Variants in SPRR2B observed in about 807,000 individuals in gnomAD.
SPRR2B encodes the protein small proline rich protein 2B.
In SPRR2B, 1 loss-of-function variant was observed where a neutral mutation model predicts 1.0. That is an observed-to-expected ratio of 1.01 (90% CI 0.36 to 4.77). The LOEUF is 4.77. Among genes scored for constraint, SPRR2B ranks in the 30% most tolerant of loss-of-function variants. SPRR2B has a pLI of 0.16. For synonymous variants in SPRR2B, 27 were observed against 33.4 expected (o/e 0.81, Z 0.66); for missense variants, 53 against 88.7 (o/e 0.60, Z 1.62).
At chr1:153,082,814 T>C in the SPRR2B span, among the ~76,000 whole-genome samples, 1 of 150,654 alleles carries the variant, frequency 6.6e-6, no homozygotes, top group Middle Eastern at 3.2e-3. Flanking sequence ...CTACAAAAAG[T>C]AAATTAAGCT....
At chr1:153,078,727 T>C in the SPRR2B span, among the ~76,000 whole-genome samples, 1 of 152,196 alleles carries the variant, frequency 6.6e-6, no homozygotes, top group African/African-American at 2.4e-5. Context: ...TATTCCATGG[T>C]GTATATGTGC....
the SPRR2B span, among the ~76,000 whole-genome samples, chr1:153,084,345 T>C: frequency 6.6e-6 from 1 of 152,126 alleles, no homozygotes; most frequent in Admixed American, 6.5e-5. Context: ...TCCCTGGTGA[T>C]GGCCATTGCA....
the SPRR2B span, among the ~76,000 whole-genome samples, chr1:153,086,595 A>G: frequency 6.6e-5 from 10 of 152,148 alleles, no homozygotes; most frequent in Middle Eastern, 3.2e-3. Flanking sequence ...ACTGAAAAGT[A>G]AGATACAACA....
At chr1:153,087,271 C>T in the SPRR2B span, among the ~76,000 whole-genome samples, 1 of 151,722 alleles carries the variant, frequency 6.6e-6, no homozygotes, top group Non-Finnish European at 1.5e-5. Context: ...CAGAGAGTGA[C>T]TCCATCTCAA....
upstream of SPRR2B, among the ~76,000 whole-genome samples, chr1:153,073,338 CA>C (rs1346474365): frequency 6.6e-6 from 1 of 152,188 alleles, no homozygotes; most frequent in Admixed American, 6.5e-5. Context: ...ATCTACAACA[CA>C]AATCCTTACA....
the SPRR2B span, among the ~76,000 whole-genome samples, chr1:153,080,006 G>A: frequency 3.7e-4 from 57 of 152,132 alleles, no homozygotes; most frequent in African/African-American, 1.3e-3. Context: ...AGCATGGAAT[G>A]TTCTTCCATT....
the SPRR2B span, among the ~76,000 whole-genome samples, chr1:153,077,884 A>G: frequency 5.0e-4 from 76 of 152,370 alleles, no homozygotes; most frequent in African/African-American, 1.8e-3. Context: ...AATTCAAATT[A>G]GATTACTATA....
chr1:153,074,264 G>A (rs1337241259), upstream of SPRR2B, among the ~76,000 whole-genome samples: 2 of 151,528 alleles, frequency 1.3e-5, no homozygotes, highest in African/African-American at 4.9e-5. Context: ...TTTTAATTTT[G>A]TGTAATATTT....
At chr1:153,075,983 A>T (rs1654760796), upstream of SPRR2B, among the ~76,000 whole-genome samples, 1 of 152,226 alleles carries the variant, frequency 6.6e-6, no homozygotes, top group Non-Finnish European at 1.5e-5. Flanking sequence ...AAAGTCTGAA[A>T]ACAATAAATA....
chr1:153,083,698 G>T, the SPRR2B span, among the ~76,000 whole-genome samples: 38 of 152,208 alleles, frequency 2.5e-4, no homozygotes, highest in Admixed American at 5.9e-4. Context: ...TGAACCAGCA[G>T]GGAGGAACCC....
At chr1:153,080,885 C>A in the SPRR2B span, among the ~76,000 whole-genome samples, 16 of 152,156 alleles carry the variant, frequency 1.1e-4, no homozygotes, top group African/African-American at 3.4e-4. Context: ...CTGTGATCTA[C>A]CAACATGTCC....
the SPRR2B span, among the ~76,000 whole-genome samples, chr1:153,083,358 G>A: frequency 6.6e-6 from 1 of 152,158 alleles, no homozygotes; most frequent in Non-Finnish European, 1.5e-5. Flanking sequence ...ACAAAAGCCA[G>A]ACAAAGACAA....
chr1:153,072,169 A>T (rs933480474), upstream of SPRR2B, among the ~76,000 whole-genome samples: 1 of 151,950 alleles, frequency 6.6e-6, no homozygotes, highest in Non-Finnish European at 1.5e-5. Flanking sequence ...CAAGCCTGAA[A>T]TTTTCTACTT....
At chr1:153,073,127 G>A (rs1323491264), upstream of SPRR2B, among the ~76,000 whole-genome samples, 1 of 152,180 alleles carries the variant, frequency 6.6e-6, no homozygotes, top group Non-Finnish European at 1.5e-5. Flanking sequence ...ATCTGCAATT[G>A]CTCCAGTCTC....
the SPRR2B span, among the ~76,000 whole-genome samples, chr1:153,080,117 A>G: frequency 5.4e-5 from 3 of 55,688 alleles, no homozygotes; most frequent in African/African-American, 1.9e-4. Flanking sequence ...TCACCAAGAA[A>G]ACCTAGAAAA....
chr1:153,076,953 A>C, the SPRR2B span, among the ~76,000 whole-genome samples: 1 of 152,256 alleles, frequency 6.6e-6, no homozygotes, highest in Non-Finnish European at 1.5e-5. Context: ...TCAGTCTTAA[A>C]GGCTGTAGGC....
Position 153,070,925 on chromosome 1 carries a change from G to A in SPRR2B, c.-19-67C>T. On this transcript the variant is annotated intron_variant, in intron 1 of 1. Coordinates refer to ENST00000368755, the MANE Select transcript of SPRR2B (RefSeq NM_001388198.1). ...TCCAGAGAGAGAAGCCAAAGCTTAT[G>A]TAATACCATGGCATATTATTTCTCC... The A allele has an allele frequency of 3.2e-6, 4 of 1,244,764 alleles. No homozygotes were observed. The East Asian group carries it at 7.0e-5, about 22-fold the overall frequency. 77.1% of individuals were successfully genotyped at this position (1,244,764 alleles called of 1,614,324 possible).
At chr1:153,081,678 A>G in the SPRR2B span, among the ~76,000 whole-genome samples, 1 of 152,334 alleles carries the variant, frequency 6.6e-6, no homozygotes, top group African/African-American at 2.4e-5. Flanking sequence ...TTCACTTTTT[A>G]TTTTCTACAA....
At chr1:153,072,549 G>A (rs1407950411), upstream of SPRR2B, among the ~76,000 whole-genome samples, 3 of 152,292 alleles carry the variant, frequency 2.0e-5, no homozygotes, top group East Asian at 1.9e-4. Flanking sequence ...TCTCAGAGTA[G>A]AGAAGGTCAG....
Sources: allele counts gnomAD v4.1 joint callset (sites outside exome capture counted in the v4.1 genomes callset), GRCh38; gene constraint gnomAD v4.1.1; transcripts MANE v1.5; gene names NCBI Gene and HGNC (gene_info 2026-07-23, HGNC 2026-07-21).